PPP1R9B: variants seen among roughly 807,000 people sequenced by gnomAD.
PPP1R9B encodes the protein protein phosphatase 1 regulatory subunit 9B.
In PPP1R9B, 17 loss-of-function variants were observed where a neutral mutation model predicts 75.8. The observed-to-expected ratio is 0.22, with a 90% confidence interval of 0.15 to 0.34. The LOEUF is 0.34. Among genes scored for constraint, PPP1R9B ranks in the 10% least tolerant of loss-of-function variants. PPP1R9B has a pLI of 1.00. For synonymous variants in PPP1R9B, 509 were observed against 535.4 expected (o/e 0.95, Z 0.68); for missense variants, 875 against 1,196.0 (o/e 0.73, Z 3.96).
chr17:50,136,571 A>G (rs769843987), intron 7 of PPP1R9B, among the ~76,000 whole-genome samples: 1 of 152,128 alleles, frequency 6.6e-6, no homozygotes, highest in South Asian at 2.1e-4. Flanking sequence ...GAGACAGTAC[A>G]TGTGAAGTAA....
In PPP1R9B at chr17:50,149,512, G is replaced by A. The variant is rs1414253692; in HGVS notation, c.1002C>T (p.Thr334=). ...TVHAALENGS[T]VATAASPAPE... ...GCGCGGGGCTGGCTGCAGTTGCCACGGTGCTGCCATTCTCCAGGGCCGCGT... is the reference window on the plus strand; with the variant it reads ...GCGCGGGGCTGGCTGCAGTTGCCACAGTGCTGCCATTCTCCAGGGCCGCGT... Residue 334 remains threonine, a synonymous_variant, in exon 1 of 10, where the codon ACC becomes ACT. Coordinates refer to ENST00000612501, the MANE Select transcript of PPP1R9B (RefSeq NM_032595.5). The surrounding 1 kb of genome is among the most constrained non-coding windows in gnomAD (Gnocchi z 7.2). 1.1e-5 allele frequency: 18 copies of A among 1,594,804 alleles called. No individual in the cohort carries two copies. The highest frequency in any genetic ancestry group is 1.7e-4 in the Middle Eastern group (1 of 6,032).
In PPP1R9B at chr17:50,142,290, C is replaced by T. The variant is rs1285201479; in HGVS notation, c.1626-917G>A. On this transcript the variant is annotated intron_variant, in intron 3 of 9. Transcript: ENST00000612501. The surrounding 1 kb of genome is among the most constrained non-coding windows in gnomAD (Gnocchi z 4.1). Reference sequence around the variant, plus strand: ...CAGGCCTTCTCTCAGGACTCCCACACGGAAATGGAGGAAATGGCCTATTGT... The same window carrying T: ...CAGGCCTTCTCTCAGGACTCCCACATGGAAATGGAGGAAATGGCCTATTGT... Among the ~76,000 whole-genome samples the T allele has an allele frequency of 6.6e-6, 1 of 152,140 alleles. No individual in the cohort carries two copies. Among genetic ancestry groups the T allele is most frequent in the African/African-American group, 2.4e-5 (1 of 41,410 alleles).
intron 2 of PPP1R9B, 63 bp from the exon 3 acceptor site, chr17:50,143,781 C>T (rs1912447711): frequency 2.5e-6 from 4 of 1,601,318 alleles, no homozygotes; most frequent in Non-Finnish European, 3.4e-6. Flanking sequence ...ACTCTCCACC[C>T]CGAATTCCAG....
intron 1 of PPP1R9B, among the ~76,000 whole-genome samples, chr17:50,148,210 C>T (rs980085871): frequency 5.3e-5 from 8 of 152,242 alleles, no homozygotes; most frequent in Non-Finnish European, 7.3e-5. Flanking sequence ...TCTGGCACAA[C>T]CCACAAACCA....
At position 50,139,164 on chromosome 17, in the gene PPP1R9B, G is replaced by A. The variant is rs1013340342; in HGVS notation, c.2073+99C>T. The A allele has an allele frequency of 3.7e-6, 5 of 1,341,374 alleles. No individual in the cohort carries two copies. The highest frequency in any genetic ancestry group is 1.4e-5 in the African/African-American group (1 of 69,490). 83.1% of individuals were successfully genotyped at this position (1,341,374 alleles called of 1,614,324 possible). A position where few individuals can be genotyped will look rare whatever the true frequency, so the allele number is the denominator to read the frequency against. The stretch of plus-strand genomic sequence containing the variant: ...AGAGCAGCTTGTTCTGTGGGTACCT[G>A]TGCCTAAGTGTCAGCATGTGCAGGT... On this transcript the variant is annotated intron_variant, in intron 7 of 9. Transcript: ENST00000612501. The surrounding 1 kb of genome is among the most constrained non-coding windows in gnomAD (Gnocchi z 5.0).
intron 1 of PPP1R9B, among the ~76,000 whole-genome samples, chr17:50,145,841 C>T (rs1912504107): frequency 6.6e-6 from 1 of 152,042 alleles, no homozygotes; most frequent in Admixed American, 6.5e-5. Context: ...GATGTTGGAG[C>T]AGGGGAGGGA....
chr17:50,135,765 A>G (rs1275963080), intron 8 of PPP1R9B, 116 bp from the exon 9 acceptor site: 3 of 980,130 alleles, frequency 3.1e-6, no homozygotes, highest in Non-Finnish European at 4.6e-6. Context: ...TTCTCAGGTC[A>G]GGAGGCCCCA....
In PPP1R9B at chr17:50,139,699, T is replaced by C. The variant is rs916319352; in HGVS notation, c.1867-118A>G. On this transcript the variant is annotated intron_variant, in intron 5 of 9. Coordinates refer to ENST00000612501, the MANE Select transcript of PPP1R9B (RefSeq NM_032595.5). The surrounding 1 kb of genome is among the most constrained non-coding windows in gnomAD (Gnocchi z 5.0). Reference sequence around the variant, plus strand: ...GAGAGCTACCCAGGAATGTGGTTCATGCCTCCCACTTCAGCCTGAGGCTGG... The same window carrying C: ...GAGAGCTACCCAGGAATGTGGTTCACGCCTCCCACTTCAGCCTGAGGCTGG... 1.1e-4 allele frequency: 133 copies of C among 1,174,670 alleles called. No individual in the cohort carries two copies. The highest frequency in any genetic ancestry group is 1.1e-3 in the Middle Eastern group (5 of 4,580). The allele number at this position is 1,174,670 out of a possible 1,614,324, so 72.8% of individuals were successfully genotyped here.
intron 4 of PPP1R9B, chr17:50,140,455 G>A: frequency 1.7e-6 from 1 of 593,826 alleles, no homozygotes; most frequent in Non-Finnish European, 2.9e-6. Flanking sequence ...GGCCAGTATT[G>A]CGGGAGGGAG....
chr17:50,149,748 G>T lies in PPP1R9B; in HGVS notation c.766C>A (p.Pro256Thr). The T allele has an allele frequency of 7.1e-7, 1 of 1,407,698 alleles. No homozygotes were observed. Among genetic ancestry groups the T allele is most frequent in the South Asian group, 1.6e-5 (1 of 63,612 alleles). 87.2% of individuals were successfully genotyped at this position (1,407,698 alleles called of 1,614,324 possible). A position where few individuals can be genotyped will look rare whatever the true frequency, so the allele number is the denominator to read the frequency against. Residue 256 changes from proline to threonine, a missense_variant, in exon 1 of 10, where the codon CCG (proline) becomes ACG (threonine). Pro to Thr is a conservative substitution (Grantham distance 38, BLOSUM62 -1). Coordinates refer to ENST00000612501, the MANE Select transcript of PPP1R9B (RefSeq NM_032595.5). The surrounding 1 kb of genome is among the most constrained non-coding windows in gnomAD (Gnocchi z 7.2). ...KRSRVFQPPP[P>T]PPPAPSGDAP... The stretch of plus-strand genomic sequence containing the variant: ...TCCCCCGACGGGGCGGGCGGCGGCG[G>T]CGGCGGGGGCTGGAACACCCGGGAC...
At position 50,134,977 on chromosome 17, in the gene PPP1R9B, G is replaced by A. The variant is rs561723716; in HGVS notation, c.*354C>T. 5.3e-5 allele frequency: 15 copies of A among 283,172 alleles called. No individual in the cohort carries two copies. Among genetic ancestry groups the A allele is most frequent in the African/African-American group, 2.8e-4 (13 of 45,732 alleles). 17.5% of individuals were successfully genotyped at this position (283,172 alleles called of 1,614,324 possible). A position where few individuals can be genotyped will look rare whatever the true frequency, so the allele number is the denominator to read the frequency against. On this transcript the variant is annotated 3_prime_UTR_variant, in exon 10 of 10. Coordinates refer to ENST00000612501, the MANE Select transcript of PPP1R9B (RefSeq NM_032595.5). ...CAGATGCTGGGAGAGCCCCAGCCCC[G>A]TTCCAGTCCAGAGACAAAAGCTGGA...
chr17:50,141,346 C>T lies in PPP1R9B; in HGVS notation c.1653G>A (p.Glu551=), dbSNP rs761557602. Residue 551 remains glutamate (E), a synonymous_variant, in exon 4 of 10, where the codon GAG becomes GAA. Transcript: ENST00000612501. ...GRIQVNDLLV[E]VDGTSLVGVT... Reference sequence around the variant, plus strand: ...CTCCCACCAGACTTGTTCCATCCACCTCCACCAGGAGATCATTCACCTGGA... The same window carrying T: ...CTCCCACCAGACTTGTTCCATCCACTTCCACCAGGAGATCATTCACCTGGA... The T allele has an allele frequency of 1.3e-6, 2 of 1,590,506 alleles. No homozygotes were observed.
chr17:50,141,422 G>C, intron 3 of PPP1R9B, 49 bp from the exon 4 acceptor site: 1 of 1,316,918 alleles, frequency 7.6e-7, no homozygotes, highest in Non-Finnish European at 1.1e-6. Context: ...CGAGGAGCGA[G>C]GGTAGAGGTA....
In PPP1R9B at chr17:50,139,991, G is replaced by A; in HGVS notation, c.1866+102C>T. ...TGGAGGACAGGGAATGGCACTGTGG[G>A]CTTTTTACTAGGGCAGGGGAAGCAG... On this transcript the variant is annotated intron_variant, in intron 5 of 9. Transcript: ENST00000612501. The surrounding 1 kb of genome is among the most constrained non-coding windows in gnomAD (Gnocchi z 5.0). 1.5e-6 allele frequency: 2 copies of A among 1,317,954 alleles called. No individual in the cohort carries two copies. The highest frequency in any genetic ancestry group is 1.5e-5 in the African/African-American group (1 of 68,858). The allele number at this position is 1,317,954 out of a possible 1,614,324, so 81.6% of individuals were successfully genotyped here. A position where few individuals can be genotyped will look rare whatever the true frequency, so the allele number is the denominator to read the frequency against.
chr17:50,147,517 A>G (rs1034878754), intron 1 of PPP1R9B, among the ~76,000 whole-genome samples: 11 of 152,356 alleles, frequency 7.2e-5, no homozygotes, highest in African/African-American at 2.6e-4. Flanking sequence ...CAAAGTCACC[A>G]GGGAGCCGGG....
rs970106102 is a variant in PPP1R9B at position 50,134,927 on chromosome 17, T to C, written c.*404A>G. On this transcript the variant is annotated 3_prime_UTR_variant, in exon 10 of 10. Coordinates refer to ENST00000612501, the MANE Select transcript of PPP1R9B (RefSeq NM_032595.5). ...GCCCAGGGGCCACCCAGGTGCCCCA[T>C]GGGCAGGGAGCAGCCCCCAGTTGGC... The C allele has an allele frequency of 1.5e-5, 3 of 198,264 alleles. No homozygotes were observed. Among genetic ancestry groups the C allele is most frequent in the Non-Finnish European group, 2.1e-5 (2 of 95,940 alleles). The allele number at this position is 198,264 out of a possible 1,614,324, so 12.3% of individuals were successfully genotyped here. A position where few individuals can be genotyped will look rare whatever the true frequency, so the allele number is the denominator to read the frequency against.
intron 2 of PPP1R9B, among the ~76,000 whole-genome samples, chr17:50,144,146 T>A (rs964228941): frequency 6.6e-6 from 1 of 151,964 alleles, no homozygotes; most frequent in Admixed American, 6.5e-5. Context: ...TCCCCTGAGG[T>A]CCATTCCCCT....
At chr17:50,141,849 C>T (rs1002909060) in intron 3 of PPP1R9B, among the ~76,000 whole-genome samples, 2 of 152,158 alleles carry the variant, frequency 1.3e-5, no homozygotes, top group African/African-American at 4.8e-5. Context: ...CAGACACAGG[C>T]GTCCAGGACC....
chr17:50,136,362 A>T (rs1170960769), intron 7 of PPP1R9B, among the ~76,000 whole-genome samples, 165 bp from the exon 8 acceptor site: 1 of 152,082 alleles, frequency 6.6e-6, no homozygotes. Flanking sequence ...ACTGAAACCC[A>T]GAGAGGAAAG....
Sources: allele counts gnomAD v4.1 joint callset (sites outside exome capture counted in the v4.1 genomes callset), GRCh38; gene constraint gnomAD v4.1.1; non-coding constraint Gnocchi (gnomAD v3.1); transcripts MANE v1.5; gene names NCBI Gene and HGNC (gene_info 2026-07-23, HGNC 2026-07-21).